The following TBC1D23 variants were observed in gnomAD, a reference collection of about 807,000 sequenced individuals.
TBC1D23 encodes the protein TBC1 domain family member 23, also known as HCV non-structural protein 4A-transactivated protein 1.
Under a neutral mutation model 91.4 loss-of-function variants are expected in TBC1D23, and 55 were observed. That is an observed-to-expected ratio of 0.60 (90% CI 0.48 to 0.75). The LOEUF (loss-of-function observed/expected upper bound fraction) is 0.75, where lower values mean the gene tolerates loss of function less well. Ranked by LOEUF, TBC1D23 falls within the 30% of genes least tolerant of loss-of-function variation. The probability of loss-of-function intolerance (pLI) is 0.00; values close to 1 mark genes in which losing one functional copy is unlikely to be tolerated. For synonymous variants in TBC1D23, 289 were observed against 281.0 expected, an observed-to-expected ratio of 1.03 and a Z score of -0.28; for missense variants, 725 against 836.1, an observed-to-expected ratio of 0.87 and a Z score of 1.64.
chr3:100,304,427 T>C (rs376214770), intron 11 of TBC1D23, among the ~76,000 whole-genome samples: 2 of 152,156 alleles, frequency 1.3e-5, no homozygotes, highest in South Asian at 2.1e-4. Context: ...GTTTGCAAAA[T>C]GGTAACATTC....
chr3:100,322,034 T>G, intron 18 of TBC1D23, among the ~76,000 whole-genome samples: 1 of 152,162 alleles, frequency 6.6e-6, no homozygotes, highest in African/African-American at 2.4e-5. Flanking sequence ...TGTGTTCTGA[T>G]TTTTTAAGAA....
chr3:100,262,744 A>AAAAC (rs1559797333), intron 1 of TBC1D23, among the ~76,000 whole-genome samples: 1 of 151,302 alleles, frequency 6.6e-6, no homozygotes, highest in African/African-American at 2.4e-5. Context: ...AAAAAAAAAA[A>AAAAC]ACACTAAAAA....
Position 100,295,183 on chromosome 3 carries a change from T to G in TBC1D23, c.697T>G (p.Leu233Val). The G allele has an allele frequency of 6.2e-7, 1 of 1,602,856 alleles. No homozygotes were observed. Among genetic ancestry groups the G allele is most frequent in the Non-Finnish European group, 8.5e-7 (1 of 1,176,076 alleles). Residue 233 changes from leucine (L) to valine (V), a missense_variant, in exon 6 of 19, where the codon TTA (leucine) becomes GTA (valine). Physicochemically the swap from Leu to Val is conservative, Grantham distance 32 (BLOSUM62 1). Coordinates refer to ENST00000394144, the MANE Select transcript of TBC1D23 (RefSeq NM_001199198.3). Reference sequence around the variant, plus strand: ...AGCAGATCCATTTTTTATTTATTTCTTAATGTTAATTATCCTTGTTAATGC... The same window carrying G: ...AGCAGATCCATTTTTTATTTATTTCGTAATGTTAATTATCCTTGTTAATGC... Reference protein sequence around the residue: ...QQADPFFIYFLMLIILVNAKE... With the variant: ...QQADPFFIYFVMLIILVNAKE...
chr3:100,316,795 TA>T (rs1359195507), intron 16 of TBC1D23, among the ~76,000 whole-genome samples: 4 of 151,980 alleles, frequency 2.6e-5, no homozygotes, highest in East Asian at 1.9e-4. Flanking sequence ...GGTTATGTTT[TA>T]AAAAAAATAA....
intron 5 of TBC1D23, among the ~76,000 whole-genome samples, chr3:100,291,419 T>G (rs151266056): frequency 6.6e-6 from 1 of 152,064 alleles, no homozygotes; most frequent in African/African-American, 2.4e-5. Flanking sequence ...TTGTCTCTAC[T>G]AAAAATACAA....
In TBC1D23 at chr3:100,283,539, A is replaced by G. The variant is rs533152493; in HGVS notation, c.272-68A>G. The stretch of plus-strand genomic sequence containing the variant: ...AACATAGTATTATATATTTGTAAAC[A>G]AGTGTTATGTCCAATAACAGCCCCT... On this transcript the variant is annotated intron_variant, in intron 3 of 18. Coordinates refer to ENST00000394144, the MANE Select transcript of TBC1D23 (RefSeq NM_001199198.3). 149 of 954,552 alleles carry G rather than the reference A, an allele frequency of 1.6e-4. 1 individual carries two copies. In the African/African-American group the frequency reaches 2.0e-3, roughly 13 times the overall value. The allele number at this position is 954,552 out of a possible 1,614,324, so 59.1% of individuals were successfully genotyped here. A position where few individuals can be genotyped will look rare whatever the true frequency, so the allele number is the denominator to read the frequency against.
chr3:100,271,256 G>A (rs1427666886), intron 1 of TBC1D23, among the ~76,000 whole-genome samples: 1 of 152,078 alleles, frequency 6.6e-6, no homozygotes, highest in Admixed American at 6.6e-5. Flanking sequence ...TTTAAGATGA[G>A]GGAAAAGTTG....
chr3:100,297,796 TAA>T, intron 8 of TBC1D23, 125 bp from the exon 9 acceptor site: 1 of 723,044 alleles, frequency 1.4e-6, no homozygotes, highest in East Asian at 2.9e-5. Context: ...TATGTAGTAT[TAA>T]GTTTTAAAAA....
Position 100,299,339 on chromosome 3 carries a change from TA to T in TBC1D23, c.1092+11del. 3 of 1,528,176 alleles carry T rather than the reference TA, an allele frequency of 2.0e-6. No homozygotes were observed. Among genetic ancestry groups the T allele is most frequent in the Non-Finnish European group, 2.7e-6 (3 of 1,109,466 alleles). The allele number at this position is 1,528,176 out of a possible 1,614,324, so 94.7% of individuals were successfully genotyped here. ...CACTTAGATTCAGACCTGGTTAGTA[TA>T]AATGCTGATTAATTATTCTTAAAGT... On this transcript the variant is annotated intron_variant, in intron 10 of 18. Transcript: ENST00000394144.
intron 16 of TBC1D23, among the ~76,000 whole-genome samples, chr3:100,317,824 A>G (rs1246226374): frequency 6.6e-6 from 1 of 152,182 alleles, no homozygotes; most frequent in Admixed American, 6.5e-5. Flanking sequence ...AAATTGGACC[A>G]TAATGAAAGT....
intron 1 of TBC1D23, among the ~76,000 whole-genome samples, chr3:100,269,318 T>C (rs1476035680): frequency 6.6e-6 from 1 of 152,214 alleles, no homozygotes; most frequent in African/African-American, 2.4e-5. Context: ...GTGGATCTGG[T>C]CCTAATGCAA....
At chr3:100,314,582 AT>A (rs1409078221) in intron 15 of TBC1D23, among the ~76,000 whole-genome samples, 1 of 152,164 alleles carries the variant, frequency 6.6e-6, no homozygotes. Flanking sequence ...TCTGTGCAGC[AT>A]AGCAAGATCC....
chr3:100,296,387 G>T, intron 8 of TBC1D23, 112 bp downstream of exon 8: 1 of 621,070 alleles, frequency 1.6e-6, no homozygotes, highest in Non-Finnish European at 2.7e-6. Context: ...GTTTCTTTAT[G>T]TGTTGTAGTT....
chr3:100,285,659 T>G (rs542468359), intron 4 of TBC1D23, among the ~76,000 whole-genome samples: 40 of 152,334 alleles, frequency 2.6e-4, no homozygotes, highest in African/African-American at 8.9e-4. Context: ...GCCGGATTTT[T>G]CCATAGCAGC....
intron 1 of TBC1D23, 99 bp from the exon 2 acceptor site, chr3:100,279,550 T>C: frequency 1.3e-6 from 1 of 770,790 alleles, no homozygotes; most frequent in Non-Finnish European, 2.1e-6. Context: ...AACTTTTGTT[T>C]CTTAGACAAG....
At position 100,323,706 on chromosome 3, in the gene TBC1D23, C is replaced by A; in HGVS notation, c.*38C>A. On this transcript the variant is annotated 3_prime_UTR_variant, in exon 19 of 19. Transcript: ENST00000394144. ...TTATATAAAAAGAAATTAAGACAACCAAGAGAAACATGGACATATACCTCC... is the reference window on the plus strand; with the variant it reads ...TTATATAAAAAGAAATTAAGACAACAAAGAGAAACATGGACATATACCTCC... The A allele has an allele frequency of 1.8e-6, 2 of 1,118,098 alleles. No homozygotes were observed. The highest frequency in any genetic ancestry group is 2.4e-6 in the Non-Finnish European group (2 of 818,680). 69.3% of individuals were successfully genotyped at this position (1,118,098 alleles called of 1,614,324 possible). A position where few individuals can be genotyped will look rare whatever the true frequency, so the allele number is the denominator to read the frequency against.
intron 16 of TBC1D23, among the ~76,000 whole-genome samples, 160 bp from the exon 17 acceptor site, chr3:100,318,909 T>G (rs906277720): frequency 1.5e-4 from 23 of 152,182 alleles, no homozygotes; most frequent in African/African-American, 1.2e-4. Flanking sequence ...TGCCTCAGCC[T>G]CCCAAAGTGC....
chr3:100,320,960 G>A lies in TBC1D23; in HGVS notation c.2007G>A (p.Leu669=). ...GNSSASGIEI[L]AIERYLIPNA... ...GCAGTGCTTCAGGAATAGAAATCTT[G>A]GCAATCGAAAGGTAAGATTTTCCTT... The change falls in exon 18 of 19, where the codon TTG becomes TTA. Residue 669 remains leucine (L), a synonymous_variant. Transcript: ENST00000394144. 6.3e-7 allele frequency: 1 copy of A among 1,593,020 alleles called. No homozygotes were observed. The highest frequency in any genetic ancestry group is 1.2e-5 in the South Asian group (1 of 86,344).
chr3:100,310,893 T>A (rs1409831318), intron 14 of TBC1D23, among the ~76,000 whole-genome samples: 4 of 151,928 alleles, frequency 2.6e-5, no homozygotes, highest in African/African-American at 4.9e-5. Context: ...AGTAGGAACT[T>A]CTTCTTCTGC....
Sources: gnomAD v4.1 joint callset for allele counts (sites outside exome capture counted in the v4.1 genomes callset) on GRCh38, gnomAD v4.1.1 for gene constraint, MANE v1.5 for transcripts, NCBI Gene and HGNC (gene_info 2026-07-23, HGNC 2026-07-21) for gene names.